Variants in ARHGAP6 observed in about 807,000 individuals in gnomAD.
The protein encoded by ARHGAP6 is rho GTPase-activating protein 6.
Under a neutral mutation model 55.7 loss-of-function variants are expected in ARHGAP6, and 16 were observed. That is an observed-to-expected ratio of 0.29 (90% confidence interval 0.19 to 0.44). The LOEUF is 0.44. Among genes scored for constraint, ARHGAP6 ranks in the 20% least tolerant of loss-of-function variants. The pLI is 1.00. For synonymous variants in ARHGAP6, 382 were observed against 360.9 expected (o/e 1.06, Z -0.66); for missense variants, 698 against 808.9 (o/e 0.86, Z 1.66).
chrX:11,377,477 T>TGTG (rs1178967545), intron 1 of ARHGAP6, among the ~76,000 whole-genome samples: 1 of 112,041 alleles, frequency 8.9e-6, no homozygotes, highest in Non-Finnish European at 1.9e-5. Flanking sequence ...TAAAATTTAT[T>TGTG]GTGGTAATGG....
At chrX:11,296,964 C>A in intron 1 of ARHGAP6, 2 of 896,967 alleles carry the variant, frequency 2.2e-6, no homozygotes, top group African/African-American at 1.9e-5. Flanking sequence ...ACCAGCTTCC[C>A]AGTTTAAGCT....
intron 2 of ARHGAP6, among the ~76,000 whole-genome samples, chrX:11,245,302 T>C (rs987579846): frequency 1.8e-5 from 2 of 112,008 alleles, no homozygotes; most frequent in African/African-American, 6.5e-5. Flanking sequence ...CCCACATATG[T>C]ATCTCCTTCA....
At position 11,284,764 on chromosome X, in the gene ARHGAP6, A is replaced by G. The variant is rs1425301372; in HGVS notation, c.589-30057T>C. Reference sequence around the variant, plus strand: ...AGATTTCCCAACTTCAATGCTACTGACATTTGGGGTTGGATAATTCTTTAT... The same window carrying G: ...AGATTTCCCAACTTCAATGCTACTGGCATTTGGGGTTGGATAATTCTTTAT... On this transcript the variant is annotated intron_variant, in intron 1 of 12. Coordinates refer to ENST00000337414, the MANE Select transcript of ARHGAP6 (RefSeq NM_013427.3). 3.6e-5 allele frequency among the ~76,000 whole-genome samples: 4 copies of G among 111,414 alleles called. No homozygotes were observed. In the East Asian group the frequency reaches 1.1e-3, roughly 31 times the overall value.
intron 1 of ARHGAP6, among the ~76,000 whole-genome samples, chrX:11,508,052 C>A (rs182140334): frequency 8.9e-6 from 1 of 111,900 alleles, no homozygotes; most frequent in East Asian, 2.8e-4. Context: ...TGGAAAGGTA[C>A]AAGGAAAGAA....
intron 1 of ARHGAP6, among the ~76,000 whole-genome samples, chrX:11,354,017 G>C (rs754355170): frequency 9.0e-6 from 1 of 110,588 alleles, no homozygotes; most frequent in East Asian, 2.8e-4. Context: ...GTGCCTGCTG[G>C]CTATTAAATG....
At chrX:11,356,075 T>G (rs1416588557) in intron 1 of ARHGAP6, among the ~76,000 whole-genome samples, 1 of 111,397 alleles carries the variant, frequency 9.0e-6, no homozygotes, top group Non-Finnish European at 1.9e-5. Context: ...CATGACACCT[T>G]AGGCACTAGG....
chrX:11,242,441 T>A (rs1418323405), intron 2 of ARHGAP6, among the ~76,000 whole-genome samples: 1 of 112,130 alleles, frequency 8.9e-6, no homozygotes, highest in African/African-American at 3.2e-5. Context: ...TGATTTTTTT[T>A]AAAGAAGATT....
At chrX:11,153,949 G>A (rs983094832) in intron 10 of ARHGAP6, among the ~76,000 whole-genome samples, 2 of 110,472 alleles carry the variant, frequency 1.8e-5, no homozygotes, top group African/African-American at 6.6e-5. Flanking sequence ...ATCTCCTAAT[G>A]CTATTCCTCC....
intron 1 of ARHGAP6, among the ~76,000 whole-genome samples, chrX:11,619,004 A>G (rs1376145054): frequency 8.9e-6 from 1 of 111,843 alleles, no homozygotes; most frequent in African/African-American, 3.3e-5. Flanking sequence ...TTTAGAAAAT[A>G]TCAGTTTTCA....
intron 1 of ARHGAP6, among the ~76,000 whole-genome samples, chrX:11,377,405 G>T (rs750059292): frequency 8.9e-6 from 1 of 112,050 alleles, no homozygotes; most frequent in South Asian, 3.7e-4. Context: ...GGTGGGTGAT[G>T]GGGAAAATAG....
Position 11,664,369 on chromosome X carries a change from T to C in ARHGAP6, c.460A>G (p.Ser154Gly), listed in dbSNP as rs2052731857. The change falls in exon 1 of 13, where the codon AGC (serine) becomes GGC (glycine). Residue 154 changes from serine (S) to glycine (G), a missense_variant. Physicochemically the swap from Ser to Gly is moderately conservative, Grantham distance 56. This residue lies in a region of ARHGAP6 where 164 missense variants were observed against 149.2 expected (regional missense o/e 1.10). Transcript: ENST00000337414. ...AGPASSRSAS[S>G]ILCSSGGGPN... ...CCTCCCCCGGATGAACAGAGGATGC[T>C]GGAAGCGCTTCGGCTACTGGCTGGC... 8 of 1,212,111 alleles carry C rather than the reference T, an allele frequency of 6.6e-6. No individual in the cohort carries two copies. The highest frequency in any genetic ancestry group is 8.9e-6 in the Non-Finnish European group (8 of 895,527).
chrX:11,481,402 G>A (rs2050455268), intron 1 of ARHGAP6, among the ~76,000 whole-genome samples: 1 of 112,696 alleles, frequency 8.9e-6, no homozygotes, highest in African/African-American at 3.2e-5. Flanking sequence ...AGAAGGGACA[G>A]GGCACTATGG....
intron 2 of ARHGAP6, among the ~76,000 whole-genome samples, chrX:11,246,036 G>T (rs555174234): frequency 1.3e-4 from 14 of 111,697 alleles, no homozygotes; most frequent in African/African-American, 4.5e-4. Flanking sequence ...TGTGGTTGAA[G>T]TTTCACTCTG....
chrX:11,250,114 C>T (rs1251634638), intron 2 of ARHGAP6, among the ~76,000 whole-genome samples: 1 of 111,792 alleles, frequency 8.9e-6, no homozygotes, highest in East Asian at 2.8e-4. Flanking sequence ...TTTTGTGACA[C>T]ATTTTAATAA....
At chrX:11,453,454 G>C (rs1404713714) in intron 1 of ARHGAP6, among the ~76,000 whole-genome samples, 1 of 108,380 alleles carries the variant, frequency 9.2e-6, no homozygotes, top group Non-Finnish European at 1.9e-5. Flanking sequence ...ACTTGTACTT[G>C]AGATTTTTGA....
intron 1 of ARHGAP6, among the ~76,000 whole-genome samples, chrX:11,594,860 A>C (rs779785432): frequency 2.1e-4 from 24 of 112,400 alleles, no homozygotes; most frequent in African/African-American, 6.8e-4. Flanking sequence ...TGTAGTTTTC[A>C]ATATTGCTTG....
intron 1 of ARHGAP6, among the ~76,000 whole-genome samples, chrX:11,320,568 G>A (rs994903754): frequency 2.7e-5 from 3 of 110,882 alleles, no homozygotes; most frequent in Admixed American, 1.9e-4. Flanking sequence ...AGGAATTAAC[G>A]TGTGACAAGA....
chrX:11,152,293 T>C (rs992835649), intron 10 of ARHGAP6, among the ~76,000 whole-genome samples: 1 of 112,469 alleles, frequency 8.9e-6, no homozygotes, highest in Non-Finnish European at 1.9e-5. Context: ...AAGCATGTGT[T>C]ATTGACAGAT....
chrX:11,486,302 T>C (rs2050510554), intron 1 of ARHGAP6, among the ~76,000 whole-genome samples: 1 of 111,815 alleles, frequency 8.9e-6, no homozygotes. Flanking sequence ...AGAAAATAAT[T>C]TTTTAGGAGA....
Sources: allele counts gnomAD v4.1 joint callset (sites outside exome capture counted in the v4.1 genomes callset), GRCh38; gene constraint gnomAD v4.1.1; regional missense constraint gnomAD v4.1.1; transcripts MANE v1.5; gene names NCBI Gene and HGNC (gene_info 2026-07-23, HGNC 2026-07-21).